The following VAMP7 variants were observed in gnomAD, a reference collection of about 807,000 sequenced individuals.
VAMP7 encodes the protein vesicle-associated membrane protein 7.
In VAMP7, 14 loss-of-function variants were observed where a neutral mutation model predicts 29.6. That is an observed-to-expected ratio of 0.47 (90% confidence interval 0.31 to 0.74). The LOEUF (loss-of-function observed/expected upper bound fraction) is 0.74, where lower values mean the gene tolerates loss of function less well. Among genes scored for constraint, VAMP7 ranks in the 30% least tolerant of loss-of-function variants. The pLI, the probability that VAMP7 is intolerant of heterozygous loss-of-function variation, is 0.05. For synonymous variants in VAMP7, 95 were observed against 88.1 expected (o/e 1.08, Z -0.44); for missense variants, 223 against 262.4 (o/e 0.85, Z 1.04).
At chrX:155,923,583 T>C (rs2066426129) in intron 6 of VAMP7, among the ~76,000 whole-genome samples, 1 of 152,008 alleles carries the variant, frequency 6.6e-6, no homozygotes, top group Non-Finnish European at 1.5e-5. Context: ...GTGTATTTTT[T>C]TTTCTTCTGG....
At chrX:155,890,546 A>G in intron 2 of VAMP7, among the ~76,000 whole-genome samples, 1 of 151,952 alleles carries the variant, frequency 6.6e-6, no homozygotes, top group East Asian at 2.0e-4. Flanking sequence ...TTTTTAGTAG[A>G]GTTGGGGTTT....
intron 6 of VAMP7, among the ~76,000 whole-genome samples, chrX:155,926,704 C>G (rs1028015071): frequency 1.3e-5 from 2 of 152,192 alleles, no homozygotes; most frequent in Non-Finnish European, 2.9e-5. Flanking sequence ...AACTGTTTGT[C>G]ACAGGACACC....
chrX:155,918,468 G>A (rs1176086086), intron 5 of VAMP7, among the ~76,000 whole-genome samples: 1 of 152,198 alleles, frequency 6.6e-6, no homozygotes, highest in Non-Finnish European at 1.5e-5. Flanking sequence ...CTGGTCTGCA[G>A]ATTGCGAAGA....
At chrX:155,904,505 T>G (rs1271035649) in intron 5 of VAMP7, among the ~76,000 whole-genome samples, 1 of 152,156 alleles carries the variant, frequency 6.6e-6, no homozygotes, top group African/African-American at 2.4e-5. Context: ...GGTTACTATA[T>G]TCACAGAATT....
chrX:155,890,849 A>G (rs938186249), intron 2 of VAMP7, among the ~76,000 whole-genome samples: 66 of 152,140 alleles, frequency 4.3e-4, no homozygotes, highest in Non-Finnish European at 8.1e-4. Context: ...ATTACTTTCT[A>G]TGGCTAACCC....
intron 6 of VAMP7, among the ~76,000 whole-genome samples, chrX:155,932,403 C>T (rs1452804580): frequency 6.6e-6 from 1 of 152,118 alleles, no homozygotes; most frequent in Non-Finnish European, 1.5e-5. Context: ...GTTTGTAGTT[C>T]TCCTTGAAGA....
chrX:155,940,262 G>T (rs1410986571), intron 7 of VAMP7, among the ~76,000 whole-genome samples: 3 of 152,060 alleles, frequency 2.0e-5, no homozygotes, highest in Non-Finnish European at 4.4e-5. Flanking sequence ...AACAGGTGGG[G>T]GGTGCTTTAC....
At chrX:155,882,047 T>C (rs2065808701) in intron 1 of VAMP7, among the ~76,000 whole-genome samples, 1 of 152,198 alleles carries the variant, frequency 6.6e-6, no homozygotes, top group Non-Finnish European at 1.5e-5. Context: ...CCGTCTCCCA[T>C]AACTCTCACA....
intron 6 of VAMP7, among the ~76,000 whole-genome samples, chrX:155,922,013 C>CAGGT (rs2066403291): frequency 6.6e-6 from 1 of 151,904 alleles, no homozygotes; most frequent in South Asian, 2.1e-4. Context: ...TTTTGGTGTA[C>CAGGT]AGGTCTTGCA....
chrX:155,937,444 T>G (rs2066677441), intron 6 of VAMP7, among the ~76,000 whole-genome samples: 1 of 152,172 alleles, frequency 6.6e-6, no homozygotes, highest in African/African-American at 2.4e-5. Context: ...AGTAACTATG[T>G]GAGGTGATGG....
intron 2 of VAMP7, among the ~76,000 whole-genome samples, chrX:155,894,916 G>A (rs1342184007): frequency 2.6e-5 from 4 of 152,036 alleles, no homozygotes; most frequent in Admixed American, 2.6e-4. Context: ...CACCACGCCT[G>A]GCCTTTCGCT....
intron 6 of VAMP7, among the ~76,000 whole-genome samples, chrX:155,939,334 C>T (rs1038598224): frequency 1.8e-4 from 28 of 152,082 alleles, no homozygotes; most frequent in African/African-American, 5.6e-4. Flanking sequence ...CGGAATTATA[C>T]GGGGCAGAAT....
intron 1 of VAMP7, among the ~76,000 whole-genome samples, chrX:155,888,216 A>G (rs1286435799): frequency 6.6e-6 from 1 of 152,184 alleles, no homozygotes; most frequent in African/African-American, 2.4e-5. Context: ...TGGGATTGCA[A>G]TAAGGAATCT....
Position 155,927,230 on chromosome X carries a change from G to C in VAMP7, c.501+7350G>C, listed in dbSNP as rs773730907. 1.7e-3 allele frequency among the ~76,000 whole-genome samples: 252 copies of C among 151,964 alleles called. 1 individual carries two copies. The highest frequency in any genetic ancestry group is 4.9e-3 in the African/African-American group (205 of 41,460). ...CACTGGGGCCTGTCGGGGAGTGGGG[G>C]CTAGGGGAGGGATAGCATTAGGAGA... On this transcript the variant is annotated intron_variant, in intron 6 of 7. Transcript: ENST00000286448.
At position 155,894,676 on chromosome X, in the gene VAMP7, C is replaced by T. The variant is rs769447305; in HGVS notation, c.147-947C>T. On this transcript the variant is annotated intron_variant, in intron 2 of 7. Coordinates refer to ENST00000286448, the MANE Select transcript of VAMP7 (RefSeq NM_005638.6). ...TGTTACCCAGGCTGGAGTGCAGTGG[C>T]GCAATCTCAGCTTACTACAGCCTCA... is the stretch of plus-strand genomic sequence containing the variant. Among the ~76,000 whole-genome samples the T allele has an allele frequency of 2.6e-4, 40 of 152,090 alleles. No individual in the cohort carries two copies. In the East Asian group the frequency reaches 4.1e-3, roughly 16 times the overall value.
At chrX:155,882,066 A>G (rs115808296) in intron 1 of VAMP7, among the ~76,000 whole-genome samples, 6,628 of 151,814 alleles carry the variant, frequency 0.044, 227 homozygotes, top group African/African-American at 0.09. Context: ...CAACCAACCA[A>G]CTGTCTTCAT....
intron 6 of VAMP7, among the ~76,000 whole-genome samples, chrX:155,935,202 A>G (rs1331665612): frequency 6.6e-6 from 1 of 151,924 alleles, no homozygotes; most frequent in Non-Finnish European, 1.5e-5. Flanking sequence ...CTCGAGGAGT[A>G]TCTTTGTGGC....
At position 155,884,148 on chromosome X, in the gene VAMP7, A is replaced by G. The variant is rs2065838622; in HGVS notation, c.-10+2700A>G. ...ATTAAACTTTTTTTTTTCTTTTGAG[A>G]CAGAGTTTTGCTCTTGTTACCCAGG... On this transcript the variant is annotated intron_variant, in intron 1 of 7. Coordinates refer to ENST00000286448, the MANE Select transcript of VAMP7 (RefSeq NM_005638.6). Among the ~76,000 whole-genome samples the G allele has an allele frequency of 4.6e-5, 7 of 151,550 alleles. No individual in the cohort carries two copies. In the South Asian group the frequency reaches 1.3e-3, roughly 27 times the overall value.
intron 5 of VAMP7, among the ~76,000 whole-genome samples, chrX:155,907,818 C>A (rs1387110493): frequency 2.0e-5 from 3 of 152,030 alleles, no homozygotes; most frequent in Admixed American, 6.5e-5. Flanking sequence ...GGCTGCTGGG[C>A]GGAGGGGCTC....
Sources: allele counts gnomAD v4.1 joint callset (sites outside exome capture counted in the v4.1 genomes callset), GRCh38; gene constraint gnomAD v4.1.1; transcripts MANE v1.5; gene names NCBI Gene and HGNC (gene_info 2026-07-23, HGNC 2026-07-21).